ACOXL: variants seen among roughly 807,000 people sequenced by gnomAD.
ACOXL encodes acyl-coenzyme A oxidase-like protein.
In ACOXL, 70 loss-of-function variants were observed where a neutral mutation model predicts 71.9. The observed-to-expected ratio is 0.97, with a 90% CI of 0.80 to 1.19. The LOEUF (loss-of-function observed/expected upper bound fraction) is 1.19, where lower values mean the gene tolerates loss of function less well. Among genes scored for constraint, ACOXL ranks in the 50% most tolerant of loss-of-function variants. ACOXL has a pLI of 0.00. For missense variants in ACOXL, 703 were observed against 736.3 expected (o/e 0.95, Z 0.52); for synonymous variants, 253 against 281.6 (o/e 0.90, Z 1.02).
In ACOXL at chr2:111,117,968, G is replaced by T. The variant is rs2070474548; in HGVS notation, c.*152G>T. On this transcript the variant is annotated 3_prime_UTR_variant, in exon 18 of 18. Transcript: ENST00000439055. ...GCAAAGCGGAGGTCCCGCCGAGGCT[G>T]GCGAGGTGCGCGGCTGGCTGCTAGG... 3 of 900,340 alleles carry T rather than the reference G, an allele frequency of 3.3e-6. No individual in the cohort carries two copies. In the Admixed American group the frequency reaches 8.5e-5, roughly 26 times the overall value. 55.8% of individuals were successfully genotyped at this position (900,340 alleles called of 1,614,324 possible).
intron 14 of ACOXL, among the ~76,000 whole-genome samples, chr2:111,000,529 C>G (rs555923569): frequency 3.9e-5 from 6 of 152,310 alleles, no homozygotes; most frequent in Middle Eastern, 3.4e-3. Flanking sequence ...TGGCTTAAAA[C>G]AACAGAGATT....
intron 10 of ACOXL, among the ~76,000 whole-genome samples, chr2:110,893,375 TAATC>T (rs889956588): frequency 3.0e-4 from 46 of 152,086 alleles, no homozygotes; most frequent in African/African-American, 9.4e-4. Context: ...AAATTATTAA[TAATC>T]AAAAAAAGGC....
At chr2:111,002,700 C>G (rs2063691128) in intron 14 of ACOXL, among the ~76,000 whole-genome samples, 1 of 152,108 alleles carries the variant, frequency 6.6e-6, no homozygotes, top group Admixed American at 6.5e-5. Flanking sequence ...GTTTAGGAGT[C>G]TATCATCTTC....
intron 10 of ACOXL, among the ~76,000 whole-genome samples, chr2:110,888,248 G>A (rs1421620079): frequency 6.6e-6 from 1 of 152,230 alleles, no homozygotes; most frequent in East Asian, 1.9e-4. Flanking sequence ...GGGACGGGAA[G>A]TGTTTAGGAT....
At chr2:110,818,511 ATGTG>A (rs1389587005) in intron 9 of ACOXL, among the ~76,000 whole-genome samples, 1 of 28,180 alleles carries the variant, frequency 3.5e-5, no homozygotes, top group Non-Finnish European at 7.6e-5. Flanking sequence ...GTATATATAT[ATGTG>A]TATGTGTGTA....
At chr2:111,108,619 C>T (rs902066134) in intron 17 of ACOXL, among the ~76,000 whole-genome samples, 2 of 152,104 alleles carry the variant, frequency 1.3e-5, no homozygotes, top group African/African-American at 2.4e-5. Context: ...CAGGTGATAC[C>T]GCCCGCCTTG....
At chr2:110,802,305 G>T (rs1573585743) in intron 8 of ACOXL, among the ~76,000 whole-genome samples, 1 of 152,190 alleles carries the variant, frequency 6.6e-6, no homozygotes, top group East Asian at 1.9e-4. Context: ...TTCCAGGTGT[G>T]TTCTGGGGGT....
chr2:110,916,212 G>A (rs1375359843), intron 11 of ACOXL, among the ~76,000 whole-genome samples: 2 of 150,482 alleles, frequency 1.3e-5, no homozygotes, highest in Non-Finnish European at 3.0e-5. Flanking sequence ...TCTTTTATTT[G>A]TAAAAGAAAA....
At chr2:110,828,614 G>A (rs777708771) in intron 9 of ACOXL, among the ~76,000 whole-genome samples, 24 of 152,312 alleles carry the variant, frequency 1.6e-4, no homozygotes, top group Admixed American at 2.0e-4. Context: ...AGCACTTTGC[G>A]TACGTCATCT....
At chr2:111,087,561 G>A (rs113557230) in intron 16 of ACOXL, among the ~76,000 whole-genome samples, 21,538 of 151,940 alleles carry the variant, frequency 0.14, 1,879 homozygotes, top group Middle Eastern at 0.25. Context: ...CAATGAGGAG[G>A]GGACTCCCTA....
At chr2:110,989,131 TA>T (rs1263108463) in intron 13 of ACOXL, among the ~76,000 whole-genome samples, 13 of 152,188 alleles carry the variant, frequency 8.5e-5, no homozygotes, top group African/African-American at 2.9e-4. Context: ...TCTCACCTTT[TA>T]CATTTAATTA....
intron 9 of ACOXL, among the ~76,000 whole-genome samples, chr2:110,812,735 A>G (rs1026402101): frequency 6.6e-5 from 10 of 152,240 alleles, no homozygotes; most frequent in Non-Finnish European, 1.0e-4. Flanking sequence ...TCTGAAATGG[A>G]TATTTGAAAG....
intron 10 of ACOXL, among the ~76,000 whole-genome samples, chr2:110,867,153 A>AG (rs1694711084): frequency 6.6e-6 from 1 of 152,170 alleles, no homozygotes; most frequent in Non-Finnish European, 1.5e-5. Flanking sequence ...CGACTGGAGA[A>AG]TAAGGCCCTG....
At chr2:111,020,653 A>G (rs1433873888) in intron 14 of ACOXL, among the ~76,000 whole-genome samples, 1 of 152,186 alleles carries the variant, frequency 6.6e-6, no homozygotes, top group Middle Eastern at 3.2e-3. Context: ...ACCAAACACC[A>G]TTGAGAAAGA....
intron 15 of ACOXL, chr2:111,037,045 C>T (rs1185869223): frequency 6.6e-6 from 1 of 152,144 alleles, no homozygotes; most frequent in Non-Finnish European, 1.5e-5. Flanking sequence ...GGCCAAGAGA[C>T]ATGGGAAGAG....
At position 110,921,388 on chromosome 2, in the gene ACOXL, A is replaced by ACCCC. The variant is rs376926482; in HGVS notation, c.906-12092_906-12089dup. Among the ~76,000 whole-genome samples the ACCCC allele has an allele frequency of 2.1e-3, 118 of 57,558 alleles. 9 individuals are homozygous for ACCCC. The highest frequency in any genetic ancestry group is 3.5e-3 in the Non-Finnish European group (97 of 27,696). The allele number at this position is 57,558 out of a possible 152,430, so 37.8% of individuals were successfully genotyped here. The stretch of plus-strand genomic sequence containing the variant: ...TCTCTCTCTGTGTCTCTATATATCC[A>ACCCC]CCCCCCCCCCCCTTTTTTTTTTGAG... On this transcript the variant is annotated intron_variant, in intron 11 of 17. Transcript: ENST00000439055.
intron 2 of ACOXL, among the ~76,000 whole-genome samples, chr2:110,772,857 T>C (rs1434363785): frequency 6.6e-6 from 1 of 152,092 alleles, no homozygotes; most frequent in Non-Finnish European, 1.5e-5. Flanking sequence ...AAACAACATA[T>C]CACAACAGAT....
chr2:110,901,642 C>CCACACACA lies in ACOXL; in HGVS notation c.789-7122_789-7115dup, dbSNP rs10537484. On this transcript the variant is annotated intron_variant, in intron 10 of 17. Transcript: ENST00000439055. ...TATCAAAGAAGCATATATCTCTACG[C>CCACACACA]CACACACACACACACACACACACAC... 2.5e-3 allele frequency among the ~76,000 whole-genome samples: 366 copies of CCACACACA among 147,124 alleles called. 2 individuals are homozygous for CCACACACA. Among genetic ancestry groups the CCACACACA allele is most frequent in the African/African-American group, 8.5e-3 (338 of 39,848 alleles).
intron 10 of ACOXL, among the ~76,000 whole-genome samples, chr2:110,848,251 A>G (rs1217962594): frequency 6.6e-6 from 1 of 152,108 alleles, no homozygotes; most frequent in Non-Finnish European, 1.5e-5. Context: ...TTCCCCTTCC[A>G]GGGAATAGTT....
Sources: allele counts gnomAD v4.1 joint callset (sites outside exome capture counted in the v4.1 genomes callset), GRCh38; gene constraint gnomAD v4.1.1; transcripts MANE v1.5; gene names NCBI Gene and HGNC (gene_info 2026-07-23, HGNC 2026-07-21).